Variants in STPG4 observed in about 807,000 individuals in gnomAD.
STPG4 encodes protein STPG4.
In STPG4, 41 loss-of-function variants were observed where a neutral mutation model predicts 31.5. The observed-to-expected ratio is 1.30, with a 90% CI of 1.01 to 1.69. STPG4 has a LOEUF of 1.69. STPG4 is among the 40% of genes most tolerant of loss of function. The pLI, the probability that STPG4 is intolerant of heterozygous loss-of-function variation, is 0.00. For synonymous variants in STPG4, 141 were observed against 103.0 expected, an observed-to-expected ratio of 1.37 and a Z score of -2.24; for missense variants, 375 against 293.4, an observed-to-expected ratio of 1.28 and a Z score of -2.03.
chr2:47,141,552 T>C (rs1182931983), intron 3 of STPG4, among the ~76,000 whole-genome samples: 1 of 125,184 alleles, frequency 8.0e-6, no homozygotes, highest in Non-Finnish European at 1.8e-5. Flanking sequence ...TGAGAAGTCC[T>C]GCCTCAAAAA....
chr2:47,107,675 C>T (rs6706569), intron 5 of STPG4, among the ~76,000 whole-genome samples: 37,403 of 152,004 alleles, frequency 0.25, 4,859 homozygotes, highest in Admixed American at 0.32. Context: ...GCACATGGTG[C>T]GGGACTGGCA....
intron 5 of STPG4, among the ~76,000 whole-genome samples, chr2:47,122,440 C>A (rs1463969080): frequency 6.6e-6 from 1 of 151,896 alleles, no homozygotes; most frequent in African/African-American, 2.4e-5. Context: ...TATATTTTCT[C>A]CTGGTTTAAT....
At chr2:47,152,328 G>A (rs1686954907) in intron 2 of STPG4, among the ~76,000 whole-genome samples, 3 of 152,228 alleles carry the variant, frequency 2.0e-5, no homozygotes, top group Admixed American at 1.3e-4. Context: ...ATTACAACCA[G>A]TGTGGCTGAA....
chr2:47,125,601 C>G (rs1253537591), intron 5 of STPG4, among the ~76,000 whole-genome samples: 1 of 152,190 alleles, frequency 6.6e-6, no homozygotes, highest in African/African-American at 2.4e-5. Context: ...CCCATTTACA[C>G]ATTTTTGCTT....
chr2:47,155,276 G>T lies in STPG4; in HGVS notation c.-25C>A, dbSNP rs775731866. 2 of 1,612,942 alleles carry T rather than the reference G, an allele frequency of 1.2e-6. No homozygotes were observed. Among genetic ancestry groups the T allele is most frequent in the Non-Finnish European group, 1.7e-6 (2 of 1,178,996 alleles). On this transcript the variant is annotated 5_prime_UTR_variant, in exon 1 of 7. Coordinates refer to ENST00000445927, the MANE Select transcript of STPG4 (RefSeq NM_001163561.2). ...TGGTGGCCTCCTCTCTCTCTAGGCT[G>T]AACCTGAGCTCCGGTTGCTAGGAGG...
intron 5 of STPG4, among the ~76,000 whole-genome samples, chr2:47,097,260 C>T (rs1685692187): frequency 6.6e-6 from 1 of 152,178 alleles, no homozygotes; most frequent in Non-Finnish European, 1.5e-5. Context: ...CTCAATCTTA[C>T]TCCATAGTAA....
intron 5 of STPG4, among the ~76,000 whole-genome samples, chr2:47,091,709 G>C (rs1278916041): frequency 6.6e-6 from 1 of 152,270 alleles, no homozygotes; most frequent in East Asian, 1.9e-4. Context: ...TTTCAATACA[G>C]TATTCTAAGT....
chr2:47,091,979 TAAC>T (rs1390554579), intron 5 of STPG4, among the ~76,000 whole-genome samples: 3 of 149,480 alleles, frequency 2.0e-5, no homozygotes, highest in African/African-American at 4.9e-5. Flanking sequence ...TTTATAGACG[TAAC>T]AACTACTCCC....
At chr2:47,120,546 G>C (rs1015824399) in intron 5 of STPG4, among the ~76,000 whole-genome samples, 1 of 142,064 alleles carries the variant, frequency 7.0e-6, no homozygotes, top group African/African-American at 2.6e-5. Context: ...CAGCCTGGGC[G>C]AAAGAGCAAG....
chr2:47,112,169 TTTG>T (rs1686050111), intron 5 of STPG4, among the ~76,000 whole-genome samples: 1 of 152,088 alleles, frequency 6.6e-6, no homozygotes, highest in South Asian at 2.1e-4. Flanking sequence ...TTGTTGTTGT[TTTG>T]TTGTTTGTTT....
chr2:47,102,487 C>A (rs966972131), intron 5 of STPG4, among the ~76,000 whole-genome samples: 1 of 151,850 alleles, frequency 6.6e-6, no homozygotes, highest in African/African-American at 2.4e-5. Context: ...TACTATCCTG[C>A]AGCTTGACCT....
Position 47,100,255 on chromosome 2 carries a change from A to G in STPG4, c.520-9881T>C, listed in dbSNP as rs1376418231. ...TAGCTCAGGGATTGTAAATACACCAATCAGCACTCTGTATCTAGCTCAAGG... is the reference window on the plus strand; with the variant it reads ...TAGCTCAGGGATTGTAAATACACCAGTCAGCACTCTGTATCTAGCTCAAGG... On this transcript the variant is annotated intron_variant, in intron 5 of 6. Transcript: ENST00000445927. Among the ~76,000 whole-genome samples the G allele has an allele frequency of 2.0e-5, 3 of 151,794 alleles. 1 individual carries two copies. The highest frequency in any genetic ancestry group is 7.3e-5 in the African/African-American group (3 of 41,186).
chr2:47,094,953 A>T (rs892475511), intron 5 of STPG4, among the ~76,000 whole-genome samples: 2 of 152,192 alleles, frequency 1.3e-5, no homozygotes, highest in Admixed American at 6.5e-5. Context: ...GGGACTGGTT[A>T]ATCTGTATCA....
At chr2:47,089,116 G>A (rs977893551) in intron 6 of STPG4, among the ~76,000 whole-genome samples, 1 of 152,194 alleles carries the variant, frequency 6.6e-6, no homozygotes, top group Admixed American at 6.5e-5. Context: ...CCCGTATGGT[G>A]AATGCTTAGA....
intron 3 of STPG4, among the ~76,000 whole-genome samples, chr2:47,134,689 G>A (rs565589670): frequency 6.6e-6 from 1 of 152,214 alleles, no homozygotes; most frequent in South Asian, 2.1e-4. Context: ...TTTTGGGTGG[G>A]TGTAAGCTTT....
chr2:47,095,456 C>A lies in STPG4; in HGVS notation c.520-5082G>T, dbSNP rs570660541. Among the ~76,000 whole-genome samples, 6 of 152,288 alleles carry A rather than the reference C, an allele frequency of 3.9e-5. No individual in the cohort carries two copies. In the East Asian group the frequency reaches 1.2e-3, roughly 29 times the overall value. ...CATGAACAGATTGTCCCTCACAGCA[C>A]TCAGAAGGAACCCACACTGCCAACA... On this transcript the variant is annotated intron_variant, in intron 5 of 6. Coordinates refer to ENST00000445927, the MANE Select transcript of STPG4 (RefSeq NM_001163561.2).
At chr2:47,089,757 T>G (rs11695808) in intron 6 of STPG4, among the ~76,000 whole-genome samples, 86,880 of 151,930 alleles carry the variant, frequency 0.57, 25,153 homozygotes, top group African/African-American at 0.65. Context: ...CAGGATCCAC[T>G]TTCTTTGTAT....
chr2:47,132,278 G>A (rs1021936313), intron 3 of STPG4, among the ~76,000 whole-genome samples: 1 of 152,094 alleles, frequency 6.6e-6, no homozygotes, highest in Non-Finnish European at 1.5e-5. Context: ...GGGAGGAGGG[G>A]AAGAGTTATA....
chr2:47,097,872 C>A (rs1262818913), intron 5 of STPG4, among the ~76,000 whole-genome samples: 2 of 150,980 alleles, frequency 1.3e-5, no homozygotes, highest in Non-Finnish European at 2.9e-5. Flanking sequence ...AATCCCAGCA[C>A]TTTTGGAGGC....
Sources: allele counts gnomAD v4.1 joint callset (sites outside exome capture counted in the v4.1 genomes callset), GRCh38; gene constraint gnomAD v4.1.1; transcripts MANE v1.5; gene names NCBI Gene and HGNC (gene_info 2026-07-23, HGNC 2026-07-21).